Variants in KIFC3 observed in about 807,000 individuals in gnomAD.
The protein encoded by KIFC3 is kinesin-like protein KIFC3.
Under a neutral mutation model 101.8 loss-of-function variants are expected in KIFC3, and 60 were observed. That is an observed-to-expected ratio of 0.59 (90% CI 0.48 to 0.73). The LOEUF (loss-of-function observed/expected upper bound fraction) is 0.73, where lower values mean the gene tolerates loss of function less well. Ranked by LOEUF, KIFC3 falls within the 30% of genes least tolerant of loss-of-function variation. The pLI, the probability that KIFC3 is intolerant of heterozygous loss-of-function variation, is 0.00. For missense variants in KIFC3, 966 were observed against 1,137.1 expected, an observed-to-expected ratio of 0.85 and a Z score of 2.16; for synonymous variants, 476 against 482.7, an observed-to-expected ratio of 0.99 and a Z score of 0.18.
At chr16:57,816,828 A>G in intron 1 of KIFC3, 1 of 448,304 alleles carries the variant, frequency 2.2e-6, no homozygotes, top group South Asian at 1.6e-5. Context: ...CACCCCCAGT[A>G]AGACTTGAGG....
At position 57,823,326 on chromosome 16, in the gene KIFC3, C is replaced by T. The variant is rs990730747; in HGVS notation, c.109-25044G>A. On this transcript the variant is annotated intron_variant, in intron 1 of 2. Coordinates refer to the KIFC3 transcript ENST00000563028. The stretch of plus-strand genomic sequence containing the variant: ...GCACCACTCTTCCAGATGGAACCAA[C>T]GTAAATCTTATATGTATGGATTGAT... Among the ~76,000 whole-genome samples the T allele has an allele frequency of 7.2e-5, 11 of 152,124 alleles. No individual in the cohort carries two copies. In the East Asian group the frequency reaches 9.6e-4, roughly 13 times the overall value.
chr16:57,783,924 C>T (rs978238719), intron 3 of KIFC3, among the ~76,000 whole-genome samples: 1 of 152,220 alleles, frequency 6.6e-6, no homozygotes, highest in Non-Finnish European at 1.5e-5. Context: ...TGCAACCCCC[C>T]AAGGCGCTTG....
intron 1 of KIFC3, among the ~76,000 whole-genome samples, chr16:57,820,740 TG>T (rs557421126): frequency 6.2e-4 from 95 of 152,386 alleles, no homozygotes; most frequent in Non-Finnish European, 1.1e-3. Flanking sequence ...GACTTTGTCT[TG>T]TTCCCTGCTG....
rs2148847410 is a variant in KIFC3 at position 57,761,548 on chromosome 16, G to A, written c.1749-12C>T. ...TCCCTAGCAGGTCCCTGGAGGGGCA[G>A]GTGAGACAGTCACCCCCTCCTCCCA... On this transcript the variant is annotated splice_polypyrimidine_tract_variant and intron_variant, in intron 13 of 19. Transcript: ENST00000445690. 1.2e-6 allele frequency: 2 copies of A among 1,610,762 alleles called. No individual in the cohort carries two copies. Among genetic ancestry groups the A allele is most frequent in the African/African-American group, 1.3e-5 (1 of 74,988 alleles).
intron 3 of KIFC3, among the ~76,000 whole-genome samples, chr16:57,772,864 G>A (rs1268656865): frequency 6.6e-6 from 1 of 152,176 alleles, no homozygotes; most frequent in Non-Finnish European, 1.5e-5. Context: ...TGCCTTGCAG[G>A]AAAGCTGTGG....
intron 18 of KIFC3, 176 bp from the exon 19 acceptor site, chr16:57,759,329 T>TAGGAGGTAGGCAAGCCCGGCCC (rs1567917895): frequency 4.2e-6 from 3 of 721,702 alleles, no homozygotes; most frequent in East Asian, 2.7e-5. Flanking sequence ...ACTCCTCACC[T>TAGGAGGTAGGCAAGCCCGGCCC]AGGAGGTAGG....
At chr16:57,838,323 C>T (rs1245025803) in intron 1 of KIFC3, among the ~76,000 whole-genome samples, 1 of 152,208 alleles carries the variant, frequency 6.6e-6, no homozygotes, top group African/African-American at 2.4e-5. Context: ...CTGCGAACTA[C>T]ACAGCATATA....
chr16:57,760,115 T>TA, intron 17 of KIFC3, 167 bp downstream of exon 17: 2 of 825,426 alleles, frequency 2.4e-6, no homozygotes, highest in Non-Finnish European at 1.9e-6. Flanking sequence ...GAAATACCTG[T>TA]ACTGAAGAGG....
rs76472924 is a variant in KIFC3 at position 57,760,501 on chromosome 16, C to T, written c.2233-85G>A. ...AGAGGGAGCTCACAGCTGGGGCCGT[C>T]AGAAGGCTTCCTGGAGAGGCCTGAG... On this transcript the variant is annotated intron_variant, in intron 16 of 19. Coordinates refer to ENST00000445690, the MANE Select transcript of KIFC3 (RefSeq NM_001130100.2). The T allele has an allele frequency of 7.1e-3, 10,565 of 1,491,116 alleles. 199 individuals are homozygous for T. Among genetic ancestry groups the T allele is most frequent in the African/African-American group, 0.045 (3,247 of 72,760 alleles). The allele number at this position is 1,491,116 out of a possible 1,614,324, so 92.4% of individuals were successfully genotyped here.
rs2049967771 is a variant in KIFC3, at chr16:57,762,374, C to T, written c.1618-104G>A. The T allele has an allele frequency of 2.4e-6, 3 of 1,269,216 alleles. No individual in the cohort carries two copies. The East Asian group carries it at 7.9e-5, about 34-fold the overall frequency. The allele number at this position is 1,269,216 out of a possible 1,614,324, so 78.6% of individuals were successfully genotyped here. A position where few individuals can be genotyped will look rare whatever the true frequency, so the allele number is the denominator to read the frequency against. On this transcript the variant is annotated intron_variant, in intron 12 of 19. Coordinates refer to ENST00000445690, the MANE Select transcript of KIFC3 (RefSeq NM_001130100.2). ...TTGACTACCCCTCACAAGCAAGCCTCCTTGCCCAAAGCTCTTACCTACCTG... is the reference window on the plus strand; with the variant it reads ...TTGACTACCCCTCACAAGCAAGCCTTCTTGCCCAAAGCTCTTACCTACCTG...
intron 1 of KIFC3, among the ~76,000 whole-genome samples, chr16:57,846,880 C>T (rs2055930940): frequency 6.6e-6 from 1 of 152,078 alleles, no homozygotes; most frequent in Non-Finnish European, 1.5e-5. Context: ...CTTTGTGATT[C>T]TGTGGCATAA....
chr16:57,774,738 G>T, intron 3 of KIFC3: 2 of 539,316 alleles, frequency 3.7e-6, no homozygotes, highest in Non-Finnish European at 5.9e-6. Context: ...TTTTGCCCAA[G>T]CTGGCCTTGA....
chr16:57,816,714 C>T (rs1555628914), intron 1 of KIFC3: 1 of 456,572 alleles, frequency 2.2e-6, no homozygotes, highest in Admixed American at 2.3e-5. Context: ...CCAACCTCAA[C>T]AGAACTCTCC....
chr16:57,831,553 G>C (rs1410763301), intron 1 of KIFC3, among the ~76,000 whole-genome samples: 4 of 152,154 alleles, frequency 2.6e-5, no homozygotes, highest in African/African-American at 9.7e-5. Context: ...AGCCAGGCAT[G>C]GTGGTGTGTG....
At position 57,798,139 on chromosome 16, in the gene KIFC3, G is replaced by A. The variant is rs1266478945; in HGVS notation, c.105C>T (p.Pro35=). 7 of 1,554,736 alleles carry A rather than the reference G, an allele frequency of 4.5e-6. No individual in the cohort carries two copies. The highest frequency in any genetic ancestry group is 1.4e-5 in the African/African-American group (1 of 73,238). ...APEPEPGMAR[P]APAPASPAAR... ...CGGCCGGGCTGGCTGGGGCTGGGGC[G>A]GGGCGAGCCATCCCCGGCTCGGGCT... The change falls in exon 2 of 20, where the codon CCC becomes CCT. Residue 35 remains proline (P), a synonymous_variant. Coordinates refer to ENST00000445690, the MANE Select transcript of KIFC3 (RefSeq NM_001130100.2).
Position 57,775,977 on chromosome 16 carries a change from G to A in KIFC3, c.316-3689C>T, listed in dbSNP as rs556414588. Reference sequence around the variant, plus strand: ...GAAGAGGGAGCTGGGCCTGTCTGCCGGCTTGACACCACCTGCATTTACACT... The same window carrying A: ...GAAGAGGGAGCTGGGCCTGTCTGCCAGCTTGACACCACCTGCATTTACACT... On this transcript the variant is annotated intron_variant, in intron 3 of 19. Coordinates refer to ENST00000445690, the MANE Select transcript of KIFC3 (RefSeq NM_001130100.2). The A allele has an allele frequency of 4.9e-5, 48 of 985,464 alleles. No individual in the cohort carries two copies. The South Asian group carries it at 1.9e-3, about 39-fold the overall frequency. 61.0% of individuals were successfully genotyped at this position (985,464 alleles called of 1,614,324 possible).
At chr16:57,759,574 T>C (rs2049566959) in intron 18 of KIFC3, 154 bp downstream of exon 18, 2 of 616,392 alleles carry the variant, frequency 3.2e-6, no homozygotes, top group Non-Finnish European at 5.7e-6. Context: ...CCCTGACTAC[T>C]GCCTGGGGGC....
Position 57,764,178 on chromosome 16 carries a change from C to T in KIFC3, c.1582G>A (p.Gly528Ser), listed in dbSNP as rs988812598. 5.0e-6 allele frequency: 8 copies of T among 1,611,866 alleles called. No homozygotes were observed. Among genetic ancestry groups the T allele is most frequent in the East Asian group, 2.2e-5 (1 of 44,762 alleles). Residue 528 changes from glycine (G) to serine (S), a missense_variant, in exon 12 of 20, where the codon GGC becomes AGC. Around this residue, in one of 2 missense-constraint regions of KIFC3, gnomAD observed 689 missense variants for 884.6 expected, o/e 0.78. Transcript: ENST00000445690. Reference sequence around the variant, plus strand: ...TACGTCTTGCCGGCGCCCGTCTGGCCGTACGCAAAGATGCAGACATTGAAG... The same window carrying T: ...TACGTCTTGCCGGCGCCCGTCTGGCTGTACGCAAAGATGCAGACATTGAAG... ...DGFNVCIFAYGQTGAGKTYTM... is the reference protein window; with the variant it reads ...DGFNVCIFAYSQTGAGKTYTM...
At position 57,769,069 on chromosome 16, in the gene KIFC3, T is replaced by C. The variant is rs533711557; in HGVS notation, c.1218+526A>G. ...GTTTGTTTTTGAGATAAAGTCTCGC[T>C]GTCACACAGGCTGAAGTGCAGTGGC... On this transcript the variant is annotated intron_variant, in intron 9 of 19. Coordinates refer to ENST00000445690, the MANE Select transcript of KIFC3 (RefSeq NM_001130100.2). The surrounding 1 kb of genome is among the most constrained non-coding windows in gnomAD (Gnocchi z 4.3). Among the ~76,000 whole-genome samples, 5 of 152,342 alleles carry C rather than the reference T, an allele frequency of 3.3e-5. 1 individual carries two copies. In the South Asian group the frequency reaches 1.0e-3, roughly 32 times the overall value.
Sources: gnomAD v4.1 joint callset for allele counts (sites outside exome capture counted in the v4.1 genomes callset) on GRCh38, gnomAD v4.1.1 for gene constraint, gnomAD v4.1.1 regional missense constraint, Gnocchi (gnomAD v3.1) non-coding constraint, MANE v1.5 for transcripts, NCBI Gene and HGNC (gene_info 2026-07-23, HGNC 2026-07-21) for gene names.